The following NWD2 variants were observed in gnomAD, a reference collection of about 807,000 sequenced individuals.
The protein encoded by NWD2 is NACHT and WD repeat domain-containing protein 2.
Under a neutral mutation model 132.7 loss-of-function variants are expected in NWD2, and 37 were observed. The observed-to-expected ratio is 0.28, with a 90% CI of 0.21 to 0.37. The LOEUF (loss-of-function observed/expected upper bound fraction) is 0.37, where lower values mean the gene tolerates loss of function less well. NWD2 is among the 10% of genes least tolerant of loss of function. The pLI is 1.00. For missense variants in NWD2, 1,592 were observed against 2,122.4 expected (o/e 0.75, Z 4.91); for synonymous variants, 705 against 803.0 (o/e 0.88, Z 2.06).
Position 37,255,097 on chromosome 4 carries a change from G to T in NWD2, c.151+9879G>T, listed in dbSNP as rs187926707. Among the ~76,000 whole-genome samples, 269 of 152,302 alleles carry T rather than the reference G, an allele frequency of 1.8e-3. 1 individual carries two copies. Among genetic ancestry groups the T allele is most frequent in the Non-Finnish European group, 2.5e-3 (172 of 68,024 alleles). On this transcript the variant is annotated intron_variant, in intron 1 of 6. Transcript: ENST00000309447. ...GCACTAGCAAACACCTAATTGGTTG[G>T]TGTGGAAAGTTAGAAAGGGAGTAAA...
chr4:37,417,794 G>C (rs1317821951), intron 3 of NWD2, among the ~76,000 whole-genome samples: 7 of 152,192 alleles, frequency 4.6e-5, no homozygotes, highest in Non-Finnish European at 8.8e-5. Flanking sequence ...GTACAGATCA[G>C]CAACAGGAGG....
intron 3 of NWD2, among the ~76,000 whole-genome samples, chr4:37,362,606 G>A (rs1191657034): frequency 1.3e-5 from 2 of 152,154 alleles, no homozygotes; most frequent in Non-Finnish European, 2.9e-5. Flanking sequence ...TGGGATAGCT[G>A]TCTAGCCATA....
intron 1 of NWD2, among the ~76,000 whole-genome samples, chr4:37,248,709 C>T (rs1717293404): frequency 6.6e-6 from 1 of 152,212 alleles, no homozygotes; most frequent in Non-Finnish European, 1.5e-5. Flanking sequence ...GATTCTCTCC[C>T]TGTTATTAGA....
At chr4:37,432,419 T>TATC (rs1290172679) in intron 4 of NWD2, among the ~76,000 whole-genome samples, 1 of 151,770 alleles carries the variant, frequency 6.6e-6, no homozygotes, top group Admixed American at 6.6e-5. Flanking sequence ...ATCATAATCA[T>TATC]ATCATCATCA....
chr4:37,383,316 T>C (rs1401938766), intron 3 of NWD2, among the ~76,000 whole-genome samples: 1 of 152,234 alleles, frequency 6.6e-6, no homozygotes, highest in African/African-American at 2.4e-5. Flanking sequence ...CTAAGATATC[T>C]CTTTAGATTT....
At chr4:37,313,822 C>T (rs1284746030) in intron 1 of NWD2, among the ~76,000 whole-genome samples, 1 of 150,960 alleles carries the variant, frequency 6.6e-6, no homozygotes, top group African/African-American at 2.5e-5. Flanking sequence ...CCTCAGCCTC[C>T]TGAGTAGCTG....
In NWD2 at chr4:37,244,895, G is replaced by A; in HGVS notation, c.-173G>A. 2 of 753,984 alleles carry A rather than the reference G, an allele frequency of 2.7e-6. No individual in the cohort carries two copies. The highest frequency in any genetic ancestry group is 4.1e-6 in the Non-Finnish European group (2 of 492,464). The allele number at this position is 753,984 out of a possible 1,614,324, so 46.7% of individuals were successfully genotyped here. ...AGGGTCCGTATGGCTTCTCCTCGCC[G>A]GCGGGTGCTGTGCGCCACGGAGCTC... is the stretch of plus-strand genomic sequence containing the variant. On this transcript the variant is annotated 5_prime_UTR_variant, in exon 1 of 7. Transcript: ENST00000309447. The surrounding 1 kb of genome is among the most constrained non-coding windows in gnomAD (Gnocchi z 5.5).
intron 1 of NWD2, among the ~76,000 whole-genome samples, chr4:37,280,454 T>G (rs1220475469): frequency 1.3e-5 from 2 of 152,012 alleles, no homozygotes; most frequent in Admixed American, 6.6e-5. Context: ...GTTCACCTAA[T>G]GGGCACAGCT....
intron 2 of NWD2, among the ~76,000 whole-genome samples, chr4:37,338,170 A>AT (rs754684628): frequency 1.3e-5 from 2 of 152,212 alleles, no homozygotes; most frequent in Non-Finnish European, 2.9e-5. Flanking sequence ...ACCAGATTTC[A>AT]TTGAGTCTAA....
At chr4:37,255,188 T>C (rs1190090033) in intron 1 of NWD2, among the ~76,000 whole-genome samples, 1 of 152,172 alleles carries the variant, frequency 6.6e-6, no homozygotes, top group East Asian at 1.9e-4. Context: ...GACAAACAAC[T>C]ATAAAAACTA....
rs1168506058 is a variant in NWD2 at position 37,325,971 on chromosome 4, G to A, written c.187G>A (p.Val63Ile). Reference sequence around the variant, plus strand: ...AGAAAGACAGGCGCTAAGAGAAAATGTATATCCTAAACTGAGAGAATTCTG... The same window carrying A: ...AGAAAGACAGGCGCTAAGAGAAAATATATATCCTAAACTGAGAGAATTCTG... ...GAERQALREN[V>I]YPKLREFCRE... Residue 63 changes from valine (V) to isoleucine (I), a missense_variant, in exon 2 of 7, where the codon GTA becomes ATA. Physicochemically the swap from Val to Ile is conservative, Grantham distance 29. Transcript: ENST00000309447. 7.1e-6 allele frequency: 11 copies of A among 1,548,710 alleles called. No individual in the cohort carries two copies. The highest frequency in any genetic ancestry group is 9.6e-6 in the Non-Finnish European group (11 of 1,144,754).
chr4:37,299,989 C>G (rs13132778), intron 1 of NWD2, among the ~76,000 whole-genome samples: 3 of 152,122 alleles, frequency 2.0e-5, no homozygotes, highest in African/African-American at 7.2e-5. Context: ...TGTGCTACTT[C>G]CTCAAATACA....
chr4:37,372,041 A>G (rs1720238951), intron 3 of NWD2, among the ~76,000 whole-genome samples: 1 of 152,192 alleles, frequency 6.6e-6, no homozygotes, highest in South Asian at 2.1e-4. Context: ...TAGTATGTTG[A>G]AAATATGCTA....
intron 1 of NWD2, among the ~76,000 whole-genome samples, chr4:37,313,819 C>T (rs1718902724): frequency 6.6e-6 from 1 of 150,996 alleles, no homozygotes; most frequent in Admixed American, 6.6e-5. Flanking sequence ...CTGCCTCAGC[C>T]TCCTGAGTAG....
intron 1 of NWD2, among the ~76,000 whole-genome samples, chr4:37,304,785 G>C (rs1008460842): frequency 6.6e-6 from 1 of 152,214 alleles, no homozygotes; most frequent in Non-Finnish European, 1.5e-5. Flanking sequence ...GGCTACTGTT[G>C]AGTGTCTGTG....
intron 2 of NWD2, among the ~76,000 whole-genome samples, chr4:37,344,511 A>G (rs890375479): frequency 9.9e-5 from 15 of 152,184 alleles, no homozygotes; most frequent in Non-Finnish European, 2.2e-4. Context: ...TAAGGAAATA[A>G]CAGATGCAAA....
intron 1 of NWD2, among the ~76,000 whole-genome samples, chr4:37,282,017 A>T (rs1020331286): frequency 6.6e-6 from 1 of 152,184 alleles, no homozygotes; most frequent in African/African-American, 2.4e-5. Context: ...CACAATCTTC[A>T]GGATTTCTCT....
At chr4:37,248,920 T>C (rs906689290) in intron 1 of NWD2, among the ~76,000 whole-genome samples, 4 of 152,188 alleles carry the variant, frequency 2.6e-5, no homozygotes, top group Non-Finnish European at 5.9e-5. Context: ...ATACTTACGC[T>C]CTAATATGTG....
chr4:37,311,948 G>A (rs576379139), intron 1 of NWD2, among the ~76,000 whole-genome samples: 1 of 151,630 alleles, frequency 6.6e-6, no homozygotes, highest in South Asian at 2.1e-4. Context: ...TAGATATGCG[G>A]CGTTATTTCT....
Sources: gnomAD v4.1 joint callset for allele counts (sites outside exome capture counted in the v4.1 genomes callset) on GRCh38, gnomAD v4.1.1 for gene constraint, Gnocchi (gnomAD v3.1) non-coding constraint, MANE v1.5 for transcripts, NCBI Gene and HGNC (gene_info 2026-07-23, HGNC 2026-07-21) for gene names.